Variants in AFTPH observed in about 807,000 individuals in gnomAD.
AFTPH encodes aftiphilin.
In AFTPH, 7 loss-of-function variants were observed where a neutral mutation model predicts 72.5. The observed-to-expected ratio is 0.10, with a 90% CI of 0.05 to 0.18. The LOEUF is 0.18. AFTPH is among the 10% of genes least tolerant of loss of function. The pLI is 1.00. For synonymous variants in AFTPH, 337 were observed against 370.1 expected, an observed-to-expected ratio of 0.91 and a Z score of 1.03; for missense variants, 979 against 1,060.5, an observed-to-expected ratio of 0.92 and a Z score of 1.07.
In AFTPH at chr2:64,568,106, T is replaced by C. The variant is rs144993373; in HGVS notation, c.2087+393T>C. On this transcript the variant is annotated intron_variant, in intron 3 of 8. Coordinates refer to ENST00000238856, the Ensembl canonical transcript of AFTPH. ...ACCTAAACTCCCTGCCTTTTTACTT[T>C]TGAGCTATTTCTTTTTATATTTCTA... Among the ~76,000 whole-genome samples the C allele has an allele frequency of 4.5e-4, 69 of 152,300 alleles. No homozygotes were observed. The East Asian group carries it at 0.013, about 29-fold the overall frequency.
At chr2:64,589,521 C>T (rs910109209) in intron 8 of AFTPH, among the ~76,000 whole-genome samples, 2 of 152,038 alleles carry the variant, frequency 1.3e-5, no homozygotes, top group Admixed American at 6.6e-5. Flanking sequence ...TTGCTTCTTC[C>T]CATATTCTAA....
intron 5 of AFTPH, among the ~76,000 whole-genome samples, chr2:64,571,942 G>C (rs909518270): frequency 6.6e-6 from 1 of 152,132 alleles, no homozygotes; most frequent in African/African-American, 2.4e-5. Context: ...TAGGCCGGGC[G>C]TGGTGGCTCA....
rs146488199 is a variant in AFTPH, at chr2:64,579,396, A to T, written c.2395-90A>T. The T allele has an allele frequency of 6.2e-5, 61 of 978,622 alleles. No individual in the cohort carries two copies. The African/African-American group carries it at 8.7e-4, about 14-fold the overall frequency. 60.6% of individuals were successfully genotyped at this position (978,622 alleles called of 1,614,324 possible). On this transcript the variant is annotated intron_variant, in intron 6 of 8. Coordinates refer to ENST00000238856, the Ensembl canonical transcript of AFTPH. ...TTGTCTTTAGGTACTTTGTTGCCTA[A>T]TGGTCTTGCTATAATTTTTTTTTTT...
chr2:64,525,476 G>T (rs1669202864), intron 1 of AFTPH: 1 of 154,318 alleles, frequency 6.5e-6, no homozygotes, highest in Admixed American at 6.6e-5. Flanking sequence ...ACTGGGCGGG[G>T]GGATGAAACA....
intron 6 of AFTPH, among the ~76,000 whole-genome samples, chr2:64,577,230 A>G (rs1367091839): frequency 6.6e-6 from 1 of 152,140 alleles, no homozygotes; most frequent in African/African-American, 2.4e-5. Context: ...TTCATACCAC[A>G]TTGCTTCAAG....
intron 1 of AFTPH, among the ~76,000 whole-genome samples, chr2:64,543,430 G>T (rs1030795025): frequency 1.3e-5 from 2 of 152,082 alleles, no homozygotes; most frequent in African/African-American, 4.8e-5. Context: ...TCTGTTTCTT[G>T]TTTAAAACAT....
chr2:64,541,786 G>A (rs1341011009), intron 1 of AFTPH, among the ~76,000 whole-genome samples: 5 of 152,078 alleles, frequency 3.3e-5, no homozygotes, highest in Non-Finnish European at 5.9e-5. Flanking sequence ...AAGAAAATAC[G>A]GTTTTTCTTT....
At chr2:64,577,063 T>C (rs1672862315) in intron 6 of AFTPH, among the ~76,000 whole-genome samples, 1 of 152,164 alleles carries the variant, frequency 6.6e-6, no homozygotes, top group Non-Finnish European at 1.5e-5. Flanking sequence ...CTGGCCACCA[T>C]GCTCACTTTT....
At chr2:64,588,118 C>A (rs1333728758) in intron 8 of AFTPH, among the ~76,000 whole-genome samples, 1 of 152,158 alleles carries the variant, frequency 6.6e-6, no homozygotes, top group Non-Finnish European at 1.5e-5. Context: ...TTATCCCTCT[C>A]GTTCCCCAGG....
intron 3 of AFTPH, among the ~76,000 whole-genome samples, 159 bp from the exon 4 acceptor site, chr2:64,568,933 A>T: frequency 6.6e-6 from 1 of 152,324 alleles, no homozygotes; most frequent in East Asian, 1.9e-4. Flanking sequence ...TCTAGTGACT[A>T]TAAGTATTGG....
chr2:64,591,032 TAA>T (rs1228448394), intron 8 of AFTPH, among the ~76,000 whole-genome samples: 4 of 152,240 alleles, frequency 2.6e-5, no homozygotes, highest in Non-Finnish European at 5.9e-5. Context: ...ATAATATGTA[TAA>T]CTACTCCTTT....
chr2:64,539,262 T>C (rs1342404479), intron 1 of AFTPH, among the ~76,000 whole-genome samples: 1 of 152,222 alleles, frequency 6.6e-6, no homozygotes, highest in Admixed American at 6.5e-5. Flanking sequence ...AGCATTATGC[T>C]CTGGCGACAC....
chr2:64,573,949 G>T (rs1437220727), intron 6 of AFTPH, among the ~76,000 whole-genome samples: 1 of 151,988 alleles, frequency 6.6e-6, no homozygotes, highest in Admixed American at 6.6e-5. Context: ...GCCATCACAC[G>T]CAGCCAGAAA....
At chr2:64,590,178 C>G (rs992016944) in intron 8 of AFTPH, among the ~76,000 whole-genome samples, 4 of 152,170 alleles carry the variant, frequency 2.6e-5, no homozygotes, top group African/African-American at 9.7e-5. Flanking sequence ...CCCTTTTAAC[C>G]TAGCATATCT....
chr2:64,551,815 A>C (rs774352331), exon 2 of AFTPH: 5 of 1,613,284 alleles, frequency 3.1e-6, no homozygotes, highest in Non-Finnish European at 4.2e-6. Flanking sequence ...ACCAGCAAAG[A>C]AATAATTTCA....
exon 1 of AFTPH, chr2:64,524,363 G>T (rs1222814837): frequency 5.0e-6 from 2 of 402,314 alleles, no homozygotes; most frequent in Non-Finnish European, 8.8e-6. Context: ...GTGGGCGGGG[G>T]GTCTCCGCGG....
At position 64,579,482 on chromosome 2, in the gene AFTPH, C is replaced by T; in HGVS notation, c.2395-4C>T. The T allele has an allele frequency of 6.2e-7, 1 of 1,613,200 alleles. No individual in the cohort carries two copies. The highest frequency in any genetic ancestry group is 8.5e-7 in the Non-Finnish European group (1 of 1,179,508). On this transcript the variant is annotated splice_region_variant and splice_polypyrimidine_tract_variant and intron_variant, in intron 6 of 8. Coordinates refer to ENST00000238856, the Ensembl canonical transcript of AFTPH. ...AATTTTGATTTTTTGGTTTTCAACT[C>T]TAGGAGTCTCTACCACCCGTCCAGT... is the stretch of plus-strand genomic sequence containing the variant.
At chr2:64,530,014 G>C (rs1398140226) in intron 1 of AFTPH, among the ~76,000 whole-genome samples, 1 of 152,076 alleles carries the variant, frequency 6.6e-6, no homozygotes, top group African/African-American at 2.4e-5. Context: ...AAATTAGCCA[G>C]GCATGGTGGC....
chr2:64,526,354 C>T (rs951802005), intron 1 of AFTPH, among the ~76,000 whole-genome samples: 1 of 152,212 alleles, frequency 6.6e-6, no homozygotes, highest in Admixed American at 6.5e-5. Flanking sequence ...CTTTCCTCAG[C>T]AGGCAAAGTC....
Sources: allele counts gnomAD v4.1 joint callset (sites outside exome capture counted in the v4.1 genomes callset), GRCh38; gene constraint gnomAD v4.1.1; transcripts MANE v1.5; gene names NCBI Gene and HGNC (gene_info 2026-07-23, HGNC 2026-07-21).